DPF3: variants seen among roughly 807,000 people sequenced by gnomAD.
DPF3 encodes the protein zinc finger protein DPF3.
Under a neutral mutation model 56.8 loss-of-function variants are expected in DPF3, and 18 were observed. The ratio of observed to expected loss-of-function variants is 0.32; its 90% CI spans 0.22 to 0.47. The LOEUF is 0.47. Among genes scored for constraint, DPF3 ranks in the 20% least tolerant of loss-of-function variants. DPF3 has a pLI of 1.00. For synonymous variants in DPF3, 188 were observed against 180.2 expected, an observed-to-expected ratio of 1.04 and a Z score of -0.35; for missense variants, 403 against 488.8, an observed-to-expected ratio of 0.82 and a Z score of 1.65.
chr14:72,715,731 A>G (rs1358693323), intron 5 of DPF3, among the ~76,000 whole-genome samples: 3 of 151,572 alleles, frequency 2.0e-5, no homozygotes, highest in Non-Finnish European at 2.9e-5. Flanking sequence ...CAGAAAACAC[A>G]CCCACTTCCC....
intron 1 of DPF3, among the ~76,000 whole-genome samples, chr14:72,883,351 G>A (rs2140126777): frequency 6.6e-6 from 1 of 152,242 alleles, no homozygotes; most frequent in African/African-American, 2.4e-5. Flanking sequence ...CCAGCTACTT[G>A]GGAAGCTGAG....
At chr14:72,765,943 G>A (rs768278778) in intron 2 of DPF3, among the ~76,000 whole-genome samples, 3 of 152,176 alleles carry the variant, frequency 2.0e-5, no homozygotes, top group Admixed American at 6.5e-5. Context: ...TATACAGTGT[G>A]TGTTTCTGGT....
chr14:72,822,739 G>A (rs985233155), intron 1 of DPF3, among the ~76,000 whole-genome samples: 3 of 152,100 alleles, frequency 2.0e-5, no homozygotes, highest in African/African-American at 7.2e-5. Flanking sequence ...AGGAAGGGGA[G>A]TGTTATGGAT....
At chr14:72,684,564 G>A (rs1240231154) in intron 7 of DPF3, among the ~76,000 whole-genome samples, 19 of 151,982 alleles carry the variant, frequency 1.3e-4, no homozygotes, top group Admixed American at 1.2e-3. Flanking sequence ...GAAAGACAGT[G>A]AGACACAGAA....
intron 1 of DPF3, among the ~76,000 whole-genome samples, chr14:72,796,077 G>A (rs1892635393): frequency 6.6e-6 from 1 of 152,152 alleles, no homozygotes; most frequent in South Asian, 2.1e-4. Flanking sequence ...TTCCATTACT[G>A]AAATCTCTCA....
chr14:72,868,230 C>T (rs1885755920), intron 1 of DPF3, among the ~76,000 whole-genome samples: 1 of 152,144 alleles, frequency 6.6e-6, no homozygotes, highest in African/African-American at 2.4e-5. Flanking sequence ...GCAAAGGGTA[C>T]CTGGGAGTCA....
At chr14:72,718,769 C>CTTTTTTTTTTTTTTTTTTTT (rs1172947236) in intron 5 of DPF3, among the ~76,000 whole-genome samples, 1 of 14,742 alleles carries the variant, frequency 6.8e-5, no homozygotes, top group Non-Finnish European at 1.4e-4. Flanking sequence ...TACACCCTTG[C>CTTTTTTTTTTTTTTTTTTTT]TATTTTTTTT....
chr14:72,729,051 C>G (rs1889525244), intron 4 of DPF3, among the ~76,000 whole-genome samples: 1 of 151,878 alleles, frequency 6.6e-6, no homozygotes, highest in Non-Finnish European at 1.5e-5. Flanking sequence ...AGTTCGAGAC[C>G]AGCCTGGCAA....
rs998823491 is a variant in DPF3 at position 72,617,340 on chromosome 14, G to C, written c.*1957C>G. Among the ~76,000 whole-genome samples, 1 of 152,110 alleles carries C rather than the reference G, an allele frequency of 6.6e-6. No homozygotes were observed. The highest frequency in any genetic ancestry group is 1.5e-5 in the Non-Finnish European group (1 of 68,024). On this transcript the variant is annotated 3_prime_UTR_variant, in exon 11 of 11. Coordinates refer to ENST00000556509, the MANE Select transcript of DPF3 (RefSeq NM_001280542.3). ...GCTCAAAACCAATTATTAGCCTTTG[G>C]AGACAGCCTGCTTTGGGTTTTGTGG... is the stretch of plus-strand genomic sequence containing the variant.
At chr14:72,652,006 T>C (rs74062328) in intron 8 of DPF3, among the ~76,000 whole-genome samples, 9,774 of 152,264 alleles carry the variant, frequency 0.064, 614 homozygotes, top group African/African-American at 0.16. Context: ...TCACTGCACA[T>C]GTGCATTTTC....
chr14:72,632,390 T>G (rs1307189493), intron 8 of DPF3, among the ~76,000 whole-genome samples: 1 of 152,214 alleles, frequency 6.6e-6, no homozygotes, highest in East Asian at 1.9e-4. Flanking sequence ...TGTGCTATAA[T>G]TACATAAGAT....
chr14:72,753,922 T>A (rs1047713835), intron 2 of DPF3, among the ~76,000 whole-genome samples: 5 of 151,386 alleles, frequency 3.3e-5, no homozygotes, highest in Non-Finnish European at 7.4e-5. Context: ...GTAGCCCCCA[T>A]GAGAACATAA....
At chr14:72,749,665 A>G (rs1890480263) in intron 3 of DPF3, among the ~76,000 whole-genome samples, 2 of 152,204 alleles carry the variant, frequency 1.3e-5, no homozygotes, top group African/African-American at 4.8e-5. Flanking sequence ...TGACTGAATC[A>G]TGGAGGTGGG....
At chr14:72,650,880 C>G (rs1238398453) in intron 8 of DPF3, among the ~76,000 whole-genome samples, 1 of 152,204 alleles carries the variant, frequency 6.6e-6, no homozygotes, top group Non-Finnish European at 1.5e-5. Context: ...CTGCCTGAAA[C>G]TTCCACCACT....
chr14:72,691,039 A>G (rs1365227511), intron 7 of DPF3, among the ~76,000 whole-genome samples: 1 of 152,146 alleles, frequency 6.6e-6, no homozygotes, highest in Admixed American at 6.6e-5. Context: ...TTTTTGAAAG[A>G]CAAGGGTGAC....
intron 1 of DPF3, among the ~76,000 whole-genome samples, chr14:72,824,305 G>C (rs997542419): frequency 2.0e-5 from 3 of 152,150 alleles, no homozygotes; most frequent in African/African-American, 7.2e-5. Context: ...AGAGGGATGT[G>C]GGTTTGGACT....
intron 8 of DPF3, chr14:72,662,135 A>G (rs1886242791): frequency 2.0e-6 from 2 of 985,142 alleles, no homozygotes; most frequent in African/African-American, 1.7e-5. Flanking sequence ...AACACTTTCA[A>G]TAGACTTTTG....
chr14:72,800,611 T>C (rs1892845104), intron 1 of DPF3, among the ~76,000 whole-genome samples: 1 of 152,052 alleles, frequency 6.6e-6, no homozygotes, highest in Middle Eastern at 3.2e-3. Flanking sequence ...AATGAATGCA[T>C]GCATGCACAG....
At chr14:72,819,291 T>G (rs1258145277) in intron 1 of DPF3, among the ~76,000 whole-genome samples, 1 of 152,248 alleles carries the variant, frequency 6.6e-6, no homozygotes, top group African/African-American at 2.4e-5. Context: ...GTATGGTAGC[T>G]GCTTATTCTA....
Sources: allele counts gnomAD v4.1 joint callset (sites outside exome capture counted in the v4.1 genomes callset), GRCh38; gene constraint gnomAD v4.1.1; transcripts MANE v1.5; gene names NCBI Gene and HGNC (gene_info 2026-07-23, HGNC 2026-07-21).